PTH2R: variants seen among roughly 807,000 people sequenced by gnomAD.
PTH2R encodes PTH2 receptor.
PTH2R carries 59 observed loss-of-function variants against 60.3 expected under a neutral mutation model. That is an observed-to-expected ratio of 0.98 (90% CI 0.79 to 1.22). The LOEUF is 1.22. PTH2R is among the 50% of genes most tolerant of loss of function. PTH2R has a pLI of 0.00. For missense variants in PTH2R, 749 were observed against 682.6 expected (o/e 1.10, Z -1.08); for synonymous variants, 256 against 243.8 (o/e 1.05, Z -0.47).
intron 1 of PTH2R, among the ~76,000 whole-genome samples, chr2:208,365,934 AT>A (rs1700572541): frequency 1.2e-4 from 1 of 8,052 alleles, no homozygotes; most frequent in Non-Finnish European, 2.6e-4. Flanking sequence ...AGATAAATAT[AT>A]ATATATATAT....
chr2:208,397,471 G>A (rs766247327), intron 1 of PTH2R, among the ~76,000 whole-genome samples: 1 of 152,126 alleles, frequency 6.6e-6, no homozygotes, highest in Admixed American at 6.5e-5. Flanking sequence ...GTCTTGCACC[G>A]GTTTGAATAA....
chr2:208,458,610 C>G lies in PTH2R; in HGVS notation c.915-1285C>G, dbSNP rs115625078. Among the ~76,000 whole-genome samples, 52 of 152,208 alleles carry G rather than the reference C, an allele frequency of 3.4e-4. No homozygotes were observed. The East Asian group carries it at 7.7e-3, about 23-fold the overall frequency. On this transcript the variant is annotated intron_variant, in intron 8 of 12. Coordinates refer to ENST00000272847, the MANE Select transcript of PTH2R (RefSeq NM_005048.4). ...CCTCTCCCTCCTCCTACCTTCCCCC[C>G]TCAAGTACACCCCAGTGTCTGTTGT...
chr2:208,459,061 A>G (rs1043164133), intron 8 of PTH2R, among the ~76,000 whole-genome samples: 4 of 151,638 alleles, frequency 2.6e-5, no homozygotes, highest in African/African-American at 9.7e-5. Context: ...ACTAATTTAC[A>G]CTCCCACCAA....
intron 1 of PTH2R, among the ~76,000 whole-genome samples, chr2:208,370,287 C>A (rs1457935759): frequency 6.6e-6 from 1 of 151,136 alleles, no homozygotes; most frequent in Non-Finnish European, 1.5e-5. Flanking sequence ...ACTAAAAATA[C>A]AAAAAATTAG....
chr2:208,458,285 AG>A (rs1702555914), intron 8 of PTH2R, among the ~76,000 whole-genome samples: 1 of 152,182 alleles, frequency 6.6e-6, no homozygotes, highest in Non-Finnish European at 1.5e-5. Flanking sequence ...CTGCCCATGT[AG>A]AACTTAAACT....
chr2:208,422,612 G>C (rs1326718514), intron 1 of PTH2R, among the ~76,000 whole-genome samples: 1 of 151,940 alleles, frequency 6.6e-6, no homozygotes, highest in South Asian at 2.1e-4. Flanking sequence ...TCATTTACTA[G>C]AATGAGGTAA....
chr2:208,360,146 T>C (rs1447219012), exon 1 of PTH2R: 1 of 439,622 alleles, frequency 2.3e-6, no homozygotes, highest in Non-Finnish European at 4.5e-6. Flanking sequence ...TCGAAGCAGT[T>C]TGTCACCAGC....
At chr2:208,376,346 T>A (rs994388638) in intron 1 of PTH2R, among the ~76,000 whole-genome samples, 3 of 152,172 alleles carry the variant, frequency 2.0e-5, no homozygotes, top group Non-Finnish European at 2.9e-5. Flanking sequence ...TTATAGGTTA[T>A]AAAATAGTTC....
chr2:208,472,762 A>G (rs565010319), intron 9 of PTH2R, among the ~76,000 whole-genome samples: 1 of 152,282 alleles, frequency 6.6e-6, no homozygotes, highest in South Asian at 2.1e-4. Flanking sequence ...TATTTTATTA[A>G]TCATCTGATG....
chr2:208,413,125 T>G (rs1416184283), intron 1 of PTH2R, among the ~76,000 whole-genome samples: 1 of 132,700 alleles, frequency 7.5e-6, no homozygotes, highest in African/African-American at 2.8e-5. Flanking sequence ...TTCATCTTTA[T>G]TTGTTTAAAA....
rs71041306 is a variant in PTH2R, at chr2:208,389,227, TACACAC to T, written c.-259+29026_-259+29031del. Among the ~76,000 whole-genome samples the T allele has an allele frequency of 8.1e-3, 1,155 of 142,614 alleles. 6 individuals are homozygous for T. The highest frequency in any genetic ancestry group is 0.012 in the African/African-American group (475 of 38,712). The allele number at this position is 142,614 out of a possible 152,430, so 93.6% of individuals were successfully genotyped here. A position where few individuals can be genotyped will look rare whatever the true frequency, so the allele number is the denominator to read the frequency against. Reference sequence around the variant, plus strand: ...TGATGATACATTAAAAGGAAATGCATACACACACACACACACACACACACACACACA... The same window carrying T: ...TGATGATACATTAAAAGGAAATGCATACACACACACACACACACACACACA... On this transcript the variant is annotated intron_variant, in intron 1 of 12. Transcript: ENST00000617735.
At chr2:208,421,480 TAAA>T (rs2105847121) in intron 1 of PTH2R, among the ~76,000 whole-genome samples, 1 of 152,106 alleles carries the variant, frequency 6.6e-6, no homozygotes, top group South Asian at 2.1e-4. Flanking sequence ...TATGTTGAAT[TAAA>T]AAAGGACTAA....
At chr2:208,439,900 G>A (rs1702148703) in intron 4 of PTH2R, among the ~76,000 whole-genome samples, 1 of 152,016 alleles carries the variant, frequency 6.6e-6, no homozygotes, top group South Asian at 2.1e-4. Flanking sequence ...TTTAGAATGG[G>A]GGAACTGAAT....
intron 1 of PTH2R, among the ~76,000 whole-genome samples, chr2:208,396,682 A>G (rs969078765): frequency 3.9e-5 from 6 of 152,354 alleles, no homozygotes; most frequent in Admixed American, 3.9e-4. Flanking sequence ...ATGTGGAGAA[A>G]TAGGAACGCT....
At chr2:208,487,038 T>C (rs549856440) in intron 10 of PTH2R, among the ~76,000 whole-genome samples, 54 of 152,256 alleles carry the variant, frequency 3.5e-4, no homozygotes, top group African/African-American at 1.2e-3. Context: ...GTGTAGGAAA[T>C]GTACAACTCT....
intron 11 of PTH2R, 135 bp downstream of exon 11, chr2:208,489,285 C>A: frequency 1.8e-6 from 2 of 1,082,760 alleles, no homozygotes; most frequent in Non-Finnish European, 2.6e-6. Context: ...GCAGAAAGGT[C>A]AATATTTCTA....
intron 1 of PTH2R, among the ~76,000 whole-genome samples, chr2:208,409,276 G>C (rs1701491300): frequency 1.3e-5 from 2 of 152,270 alleles, no homozygotes; most frequent in Middle Eastern, 3.4e-3. Flanking sequence ...CTTCAAAAGA[G>C]TCATATTGGG....
chr2:208,428,064 G>T, intron 1 of PTH2R, 137 bp from the exon 2 acceptor site: 4 of 585,800 alleles, frequency 6.8e-6, no homozygotes, highest in Middle Eastern at 4.2e-4. Context: ...TTTGAATTTT[G>T]ATTCAGATAA....
In PTH2R at chr2:208,444,865, G is replaced by C; in HGVS notation, c.831G>C (p.Trp277Cys). ...TCTTTTCGGACACCAAATACCTGTG[G>C]GGCTTCATCTTGATAGGCTGGGGTA... The part of the protein sequence containing the change: ...VAFFSDTKYL[W>C]GFILIGWGFP... The change falls in exon 7 of 13, where the codon TGG (tryptophan) becomes TGC (cysteine). Residue 277 changes from tryptophan (W) to cysteine (C), a missense_variant. Transcript: ENST00000272847. 2 of 1,613,130 alleles carry C rather than the reference G, an allele frequency of 1.2e-6. No individual in the cohort carries two copies. Among genetic ancestry groups the C allele is most frequent in the Non-Finnish European group, 1.7e-6 (2 of 1,179,506 alleles).
Sources: gnomAD v4.1 joint callset for allele counts (sites outside exome capture counted in the v4.1 genomes callset) on GRCh38, gnomAD v4.1.1 for gene constraint, MANE v1.5 for transcripts, NCBI Gene and HGNC (gene_info 2026-07-23, HGNC 2026-07-21) for gene names.